DAB1: variants seen among roughly 807,000 people sequenced by gnomAD.
DAB1 encodes DAB adaptor protein 1.
Under a neutral mutation model 64.6 loss-of-function variants are expected in DAB1, and 15 were observed. That is an observed-to-expected ratio of 0.23 (90% confidence interval 0.16 to 0.36). The LOEUF (loss-of-function observed/expected upper bound fraction) is 0.36. Among genes scored for constraint, DAB1 ranks in the 10% least tolerant of loss-of-function variants. The pLI is 1.00. For synonymous variants in DAB1, 235 were observed against 251.9 expected (o/e 0.93, Z 0.64); for missense variants, 596 against 706.7 (o/e 0.84, Z 1.78).
chr1:58,031,451 C>T (rs1557617628), intron 5 of DAB1, among the ~76,000 whole-genome samples: 1 of 152,078 alleles, frequency 6.6e-6, no homozygotes, highest in Non-Finnish European at 1.5e-5. Flanking sequence ...AGAGGCAGGA[C>T]CTGAAATAAG....
chr1:57,843,373 T>C (rs1330730553), intron 1 of DAB1, among the ~76,000 whole-genome samples: 3 of 152,214 alleles, frequency 2.0e-5, no homozygotes, highest in Non-Finnish European at 4.4e-5. Context: ...TTGGTTATTA[T>C]CTAGTTGGGT....
intron 5 of DAB1, among the ~76,000 whole-genome samples, chr1:58,082,877 C>T (rs1650084758): frequency 6.6e-6 from 1 of 152,060 alleles, no homozygotes; most frequent in African/African-American, 2.4e-5. Context: ...GGGATTATTG[C>T]TATTGTTGTG....
chr1:58,414,680 C>T (rs933530306), intron 3 of DAB1, among the ~76,000 whole-genome samples: 4 of 151,400 alleles, frequency 2.6e-5, no homozygotes, highest in African/African-American at 9.7e-5. Flanking sequence ...AGCTTTTAGA[C>T]CTTCCTTTAA....
chr1:57,281,784 A>G (rs1558083804), intron 2 of DAB1, among the ~76,000 whole-genome samples: 1 of 152,186 alleles, frequency 6.6e-6, no homozygotes, highest in African/African-American at 2.4e-5. Context: ...GGTAGCCTGA[A>G]CTACCTTCGG....
chr1:58,108,156 T>C (rs903680023), intron 5 of DAB1, among the ~76,000 whole-genome samples: 3 of 152,114 alleles, frequency 2.0e-5, no homozygotes, highest in African/African-American at 7.2e-5. Flanking sequence ...CAGCAGAAGG[T>C]AAAACTCTCA....
At chr1:57,840,355 G>T (rs1652994133) in intron 1 of DAB1, among the ~76,000 whole-genome samples, 1 of 152,162 alleles carries the variant, frequency 6.6e-6, no homozygotes, top group East Asian at 1.9e-4. Flanking sequence ...CATGGAGATG[G>T]GACAGAGTGT....
Position 56,996,942 on chromosome 1 carries a change from G to T in DAB1, c.*1202C>A, listed in dbSNP as rs976140041. On this transcript the variant is annotated 3_prime_UTR_variant, in exon 15 of 15. Coordinates refer to ENST00000371236, the MANE Select transcript of DAB1 (RefSeq NM_001365792.1). ...AAGCCATTTCCCTTAAATATTTAAA[G>T]AGTTTAATGGTAAGGTTTTTTTTTC... The T allele has an allele frequency of 6.6e-6, 1 of 151,734 alleles. No individual in the cohort carries two copies. The highest frequency in any genetic ancestry group is 2.4e-5 in the African/African-American group (1 of 41,232). 9.4% of individuals were successfully genotyped at this position (151,734 alleles called of 1,614,324 possible). A position where few individuals can be genotyped will look rare whatever the true frequency, so the allele number is the denominator to read the frequency against.
upstream of DAB1, among the ~76,000 whole-genome samples, chr1:57,426,068 G>A (rs1305190887): frequency 6.6e-6 from 1 of 152,202 alleles, no homozygotes; most frequent in Non-Finnish European, 1.5e-5. Context: ...AATTCTCATT[G>A]ACTGCCAAAA....
At chr1:57,174,812 C>T (rs1216894293) in intron 2 of DAB1, among the ~76,000 whole-genome samples, 1 of 152,120 alleles carries the variant, frequency 6.6e-6, no homozygotes, top group East Asian at 1.9e-4. Context: ...TACTAAGAAT[C>T]TCATACACTT....
chr1:57,171,517 C>T (rs1186056388), intron 2 of DAB1, among the ~76,000 whole-genome samples: 2 of 150,748 alleles, frequency 1.3e-5, no homozygotes, highest in African/African-American at 4.8e-5. Context: ...AATGTTGTTT[C>T]AAAATGACAA....
At chr1:57,373,567 G>A (rs569661508) in intron 1 of DAB1, among the ~76,000 whole-genome samples, 1 of 152,000 alleles carries the variant, frequency 6.6e-6, no homozygotes, top group Non-Finnish European at 1.5e-5. Context: ...AGGGAGGAGT[G>A]GTATAAAGAG....
At chr1:57,475,504 T>C (rs1056891062) in intron 7 of DAB1, among the ~76,000 whole-genome samples, 2 of 152,220 alleles carry the variant, frequency 1.3e-5, no homozygotes, top group Non-Finnish European at 2.9e-5. Flanking sequence ...TTCACAGGCC[T>C]ATTACTTGGA....
chr1:58,084,933 T>G (rs1011570154), intron 5 of DAB1, among the ~76,000 whole-genome samples: 46 of 152,232 alleles, frequency 3.0e-4, no homozygotes, highest in African/African-American at 1.1e-3. Context: ...CCACATACAT[T>G]TAAAGGCCAG....
In DAB1 at chr1:57,253,792, T is replaced by C. The variant is rs183888548; in HGVS notation, c.67+37172A>G. ...ATATTTTAGTCTCTGTGATGAAAAA[T>C]AATTGCATTGAAGGGGGAAGGATGC... On this transcript the variant is annotated intron_variant, in intron 2 of 14. Coordinates refer to ENST00000371236, the MANE Select transcript of DAB1 (RefSeq NM_001365792.1). Among the ~76,000 whole-genome samples, 15 of 152,304 alleles carry C rather than the reference T, an allele frequency of 9.8e-5. No individual in the cohort carries two copies. The East Asian group carries it at 2.9e-3, about 29-fold the overall frequency.
At chr1:58,497,549 G>T (rs1461353795) in intron 3 of DAB1, among the ~76,000 whole-genome samples, 1 of 152,104 alleles carries the variant, frequency 6.6e-6, no homozygotes, top group African/African-American at 2.4e-5. Context: ...TGCCTCTTTA[G>T]CATAAGAGTT....
intron 6 of DAB1, among the ~76,000 whole-genome samples, chr1:57,672,755 T>C (rs529565829): frequency 6.7e-4 from 102 of 152,270 alleles, no homozygotes; most frequent in African/African-American, 2.4e-3. Flanking sequence ...ACACTAAGCT[T>C]ACCCTTAATA....
intron 5 of DAB1, among the ~76,000 whole-genome samples, chr1:58,019,735 T>C (rs1163556868): frequency 1.3e-5 from 2 of 152,178 alleles, no homozygotes; most frequent in Non-Finnish European, 2.9e-5. Flanking sequence ...ACTTTTGAAA[T>C]ATTCTAAGCA....
Position 57,212,348 on chromosome 1 carries a change from T to C in DAB1, c.68-66919A>G, listed in dbSNP as rs564220696. Among the ~76,000 whole-genome samples, 31 of 149,648 alleles carry C rather than the reference T, an allele frequency of 2.1e-4. No individual in the cohort carries two copies. In the East Asian group the frequency reaches 5.9e-3, roughly 28 times the overall value. On this transcript the variant is annotated intron_variant, in intron 2 of 14. Coordinates refer to ENST00000371236, the MANE Select transcript of DAB1 (RefSeq NM_001365792.1). ...ATAATTACTGGTAATATTACATGTA[T>C]ATATTATTTCCTTTTTTTTTTTTTT...
At chr1:58,102,023 C>T (rs1184212379) in intron 5 of DAB1, among the ~76,000 whole-genome samples, 1 of 152,236 alleles carries the variant, frequency 6.6e-6, no homozygotes, top group Non-Finnish European at 1.5e-5. Context: ...CAGGTATTAA[C>T]TCGGTGCTTA....
Sources: allele counts gnomAD v4.1 joint callset (sites outside exome capture counted in the v4.1 genomes callset), GRCh38; gene constraint gnomAD v4.1.1; transcripts MANE v1.5; gene names NCBI Gene and HGNC (gene_info 2026-07-23, HGNC 2026-07-21).